Variants in IKZF2 observed in about 807,000 individuals in gnomAD.
IKZF2 encodes the protein zinc finger protein Helios.
In IKZF2, 15 loss-of-function variants were observed where a neutral mutation model predicts 49.2. The ratio of observed to expected loss-of-function variants is 0.30; its 90% CI spans 0.20 to 0.47. The LOEUF is 0.47. Ranked by LOEUF, IKZF2 falls within the 20% of genes least tolerant of loss-of-function variation. The pLI is 1.00. For missense variants in IKZF2, 567 were observed against 664.6 expected, an observed-to-expected ratio of 0.85 and a Z score of 1.61; for synonymous variants, 227 against 221.4, an observed-to-expected ratio of 1.03 and a Z score of -0.23.
intron 5 of IKZF2, among the ~76,000 whole-genome samples, chr2:213,052,689 T>C (rs1039748653): frequency 6.6e-6 from 1 of 152,082 alleles, no homozygotes; most frequent in African/African-American, 2.4e-5. Flanking sequence ...TATACATAGT[T>C]ATATTCCAGG....
chr2:213,023,763 T>C (rs1177313602), intron 6 of IKZF2, among the ~76,000 whole-genome samples: 6 of 152,218 alleles, frequency 3.9e-5, no homozygotes, highest in East Asian at 1.9e-4. Flanking sequence ...TTAATACTTA[T>C]TAAGCACTTA....
At chr2:213,064,497 G>A (rs1288622685) in intron 4 of IKZF2, among the ~76,000 whole-genome samples, 1 of 151,948 alleles carries the variant, frequency 6.6e-6, no homozygotes, top group Non-Finnish European at 1.5e-5. Flanking sequence ...ACCTTGTATA[G>A]CGTGCACATC....
At chr2:213,027,352 C>T (rs1697919406) in intron 6 of IKZF2, among the ~76,000 whole-genome samples, 1 of 151,980 alleles carries the variant, frequency 6.6e-6, no homozygotes, top group Admixed American at 6.6e-5. Flanking sequence ...ATTACATTTC[C>T]TTTTTTGTGC....
chr2:213,150,479 T>G, intron 1 of IKZF2: 1 of 240,024 alleles, frequency 4.2e-6, no homozygotes. Context: ...CTCCTCCTCG[T>G]CCTCCTCCTC....
chr2:213,103,648 A>G (rs1206038781), intron 4 of IKZF2, among the ~76,000 whole-genome samples: 1 of 152,220 alleles, frequency 6.6e-6, no homozygotes, highest in East Asian at 1.9e-4. Context: ...ACTGATCGTC[A>G]ATAAATGTTT....
chr2:213,118,746 C>T (rs1229442799), intron 4 of IKZF2, among the ~76,000 whole-genome samples: 1 of 152,152 alleles, frequency 6.6e-6, no homozygotes, highest in East Asian at 1.9e-4. Flanking sequence ...AGAGTCTCTA[C>T]TCAGGTCTGG....
rs2061085249 is a variant in IKZF2 at position 213,146,764 on chromosome 2, G to GGGGC, written c.139+943_139+944insGCCC. 1.6e-5 allele frequency among the ~76,000 whole-genome samples: 2 copies of GGGGC among 125,596 alleles called. 1 individual carries two copies. Among genetic ancestry groups the GGGGC allele is most frequent in the Non-Finnish European group, 3.4e-5 (2 of 59,264 alleles). The allele number at this position is 125,596 out of a possible 152,430, so 82.4% of individuals were successfully genotyped here. On this transcript the variant is annotated intron_variant, in intron 4 of 8. Transcript: ENST00000434687. ...TTTCTTAGTTATTAAATCTTCGGGGGGGGGGAAGGAAAGAGAATGCCTTTC... is the reference window on the plus strand; with the variant it reads ...TTTCTTAGTTATTAAATCTTCGGGGGGGGCGGGGGAAGGAAAGAGAATGCCTTTC...
chr2:213,140,217 C>T (rs147526135), intron 4 of IKZF2, among the ~76,000 whole-genome samples: 3 of 151,992 alleles, frequency 2.0e-5, no homozygotes, highest in African/African-American at 7.2e-5. Context: ...TCAGCGCTTA[C>T]ATTTTTAAGA....
At chr2:213,030,285 G>C (rs1000671854) in intron 6 of IKZF2, among the ~76,000 whole-genome samples, 1 of 151,580 alleles carries the variant, frequency 6.6e-6, no homozygotes, top group African/African-American at 2.4e-5. Context: ...TAAATCTTTA[G>C]AAGTCTTAAT....
At chr2:213,102,147 T>A (rs1014120475) in intron 4 of IKZF2, among the ~76,000 whole-genome samples, 1 of 152,144 alleles carries the variant, frequency 6.6e-6, no homozygotes, top group Admixed American at 6.6e-5. Context: ...TTTTCATGTT[T>A]TCAATAATTC....
intron 4 of IKZF2, among the ~76,000 whole-genome samples, chr2:213,132,631 A>G (rs552589385): frequency 6.6e-6 from 1 of 152,342 alleles, no homozygotes; most frequent in East Asian, 1.9e-4. Context: ...TATACTAGGA[A>G]TTCATTCACC....
chr2:213,000,976 G>C lies in IKZF2; in HGVS notation c.*6384C>G, dbSNP rs1170809936. 1 of 151,502 alleles carries C rather than the reference G, an allele frequency of 6.6e-6. No homozygotes were observed. Among genetic ancestry groups the C allele is most frequent in the Non-Finnish European group, 1.5e-5 (1 of 67,490 alleles). The allele number at this position is 151,502 out of a possible 1,614,324, so 9.4% of individuals were successfully genotyped here. A position where few individuals can be genotyped will look rare whatever the true frequency, so the allele number is the denominator to read the frequency against. ...CACATTCTGTAATCTTTTGATTGTG[G>C]AGTGTTTTTCTCTTTGCTTGTTGTG... On this transcript the variant is annotated 3_prime_UTR_variant, in exon 9 of 9. Coordinates refer to ENST00000434687, the MANE Select transcript of IKZF2 (RefSeq NM_001387220.1).
At chr2:213,139,988 A>T (rs1309178983) in intron 4 of IKZF2, among the ~76,000 whole-genome samples, 4 of 151,992 alleles carry the variant, frequency 2.6e-5, no homozygotes, top group Non-Finnish European at 4.4e-5. Context: ...ACCCTTGAAG[A>T]TACCATCCTT....
At chr2:213,067,701 T>A (rs1162620384) in intron 4 of IKZF2, among the ~76,000 whole-genome samples, 4 of 152,112 alleles carry the variant, frequency 2.6e-5, no homozygotes, top group African/African-American at 9.7e-5. Context: ...GAAGCAGTAG[T>A]GAACAAGACA....
chr2:213,069,318 C>A (rs1389358436), intron 4 of IKZF2, among the ~76,000 whole-genome samples: 1 of 152,090 alleles, frequency 6.6e-6, no homozygotes, highest in Admixed American at 6.6e-5. Context: ...GTTTTAGAAG[C>A]CTAAAGTCTT....
Position 213,007,687 on chromosome 2 carries a change from C to CTGG in IKZF2, c.1251_1253dup (p.His417dup), listed in dbSNP as rs1695481707. ...TTAAGGCAGGGTGTCCTTGGTAGGA[C>CTGG]TGGTGGTCATCATGGCTGCTTTCTG... On this transcript the variant is annotated inframe_insertion, in exon 9 of 9. Coordinates refer to ENST00000434687, the MANE Select transcript of IKZF2 (RefSeq NM_001387220.1). 2 of 1,613,712 alleles carry CTGG rather than the reference C, an allele frequency of 1.2e-6. No homozygotes were observed. The highest frequency in any genetic ancestry group is 4.5e-5 in the East Asian group (2 of 44,844).
At chr2:213,015,969 C>T (rs1271516864) in intron 7 of IKZF2, among the ~76,000 whole-genome samples, 1 of 152,032 alleles carries the variant, frequency 6.6e-6, no homozygotes, top group African/African-American at 2.4e-5. Flanking sequence ...GGTGTGGGAA[C>T]TGTCCCACAC....
At chr2:213,082,312 A>T (rs1267857176) in intron 4 of IKZF2, among the ~76,000 whole-genome samples, 1 of 152,248 alleles carries the variant, frequency 6.6e-6, no homozygotes, top group African/African-American at 2.4e-5. Context: ...TTTACAGCCA[A>T]ATTAAGGAAA....
In IKZF2 at chr2:213,004,195, A is replaced by G. The variant is rs1695139835; in HGVS notation, c.*3165T>C. ...TACACACACATATACCCTATGATTCATACATACAATTGCCTGTATGTATGT... is the reference window on the plus strand; with the variant it reads ...TACACACACATATACCCTATGATTCGTACATACAATTGCCTGTATGTATGT... On this transcript the variant is annotated 3_prime_UTR_variant, in exon 9 of 9. Coordinates refer to ENST00000434687, the MANE Select transcript of IKZF2 (RefSeq NM_001387220.1). 6.6e-6 allele frequency: 1 copy of G among 151,888 alleles called. No individual in the cohort carries two copies. Among genetic ancestry groups the G allele is most frequent in the Non-Finnish European group, 1.5e-5 (1 of 67,864 alleles). 9.4% of individuals were successfully genotyped at this position (151,888 alleles called of 1,614,324 possible).
Sources: allele counts gnomAD v4.1 joint callset (sites outside exome capture counted in the v4.1 genomes callset), GRCh38; gene constraint gnomAD v4.1.1; transcripts MANE v1.5; gene names NCBI Gene and HGNC (gene_info 2026-07-23, HGNC 2026-07-21).